Variants in AGAP1 observed in about 807,000 individuals in gnomAD.
AGAP1 encodes the protein arf-GAP with GTPase, ANK repeat and PH domain-containing protein 1.
A neutral mutation model predicts 105.3 loss-of-function variants in AGAP1; 29 were observed. The observed-to-expected ratio is 0.28, with a 90% CI of 0.21 to 0.38. The LOEUF is 0.38. Among genes scored for constraint, AGAP1 ranks in the 10% least tolerant of loss-of-function variants. The pLI is 1.00. For missense variants in AGAP1, 998 were observed against 1,165.1 expected, an observed-to-expected ratio of 0.86 and a Z score of 2.09; for synonymous variants, 509 against 485.9, an observed-to-expected ratio of 1.05 and a Z score of -0.63.
rs556785424 is a variant in AGAP1 at position 235,541,376 on chromosome 2, C to CTTTTTTT, written c.163+46550_163+46556dup. On this transcript the variant is annotated intron_variant, in intron 1 of 17. Transcript: ENST00000304032. ...ATTATTTCCTTTTTCCATTCTTATT[C>CTTTTTTT]TTTTTTTTTTTTTTTTTTTTTTTTT... Among the ~76,000 whole-genome samples the CTTTTTTT allele has an allele frequency of 3.0e-3, 273 of 91,120 alleles. 3 individuals are homozygous for CTTTTTTT. Among genetic ancestry groups the CTTTTTTT allele is most frequent in the Non-Finnish European group, 4.4e-3 (203 of 46,564 alleles). The allele number at this position is 91,120 out of a possible 152,430, so 59.8% of individuals were successfully genotyped here. A position where few individuals can be genotyped will look rare whatever the true frequency, so the allele number is the denominator to read the frequency against.
At position 235,494,639 on chromosome 2, in the gene AGAP1, GGGCGGCGGCGGCGGGGGGCGCGC is replaced by G. The variant is rs1941225725; in HGVS notation, c.-44_-22del. 1 of 976,142 alleles carries G rather than the reference GGGCGGCGGCGGCGGGGGGCGCGC, an allele frequency of 1.0e-6. No homozygotes were observed. The highest frequency in any genetic ancestry group is 1.8e-5 in the African/African-American group (1 of 55,658). The allele number at this position is 976,142 out of a possible 1,614,324, so 60.5% of individuals were successfully genotyped here. On this transcript the variant is annotated 5_prime_UTR_variant, in exon 1 of 18. Coordinates refer to ENST00000304032, the MANE Select transcript of AGAP1 (RefSeq NM_001037131.3). ...GGCGGCCCGCGGGCCCCGGGGCGCG[GGGCGGCGGCGGCGGGGGGCGCGC>G]GGCTCCGGGCGCGGCGCCTGCACCA...
At chr2:235,821,240 C>A (rs1300039913) in intron 9 of AGAP1, among the ~76,000 whole-genome samples, 1 of 152,070 alleles carries the variant, frequency 6.6e-6, no homozygotes, top group Non-Finnish European at 1.5e-5. Context: ...AATTTGAATA[C>A]CCTTTAGAGA....
At position 235,614,950 on chromosome 2, in the gene AGAP1, T is replaced by C. The variant is rs909730965; in HGVS notation, c.164-94229T>C. Among the ~76,000 whole-genome samples, 1 of 152,194 alleles carries C rather than the reference T, an allele frequency of 6.6e-6. No homozygotes were observed. The highest frequency in any genetic ancestry group is 6.5e-5 in the Admixed American group (1 of 15,274). ...TTCACTGGGGCCGACTTGAAAATAGTCAAAGTCCAAGTAAACTTCTGCCTG... is the reference window on the plus strand; with the variant it reads ...TTCACTGGGGCCGACTTGAAAATAGCCAAAGTCCAAGTAAACTTCTGCCTG... On this transcript the variant is annotated intron_variant, in intron 1 of 17. Coordinates refer to ENST00000304032, the MANE Select transcript of AGAP1 (RefSeq NM_001037131.3). This position sits in a 1 kb window ranked among gnomAD's most constrained non-coding sequence, Gnocchi z 4.7.
intron 1 of AGAP1, among the ~76,000 whole-genome samples, chr2:235,515,470 G>A (rs1285048645): frequency 6.6e-6 from 1 of 152,210 alleles, no homozygotes; most frequent in African/African-American, 2.4e-5. Flanking sequence ...TGAAAGACAG[G>A]GGCGTAGATA....
At position 235,754,136 on chromosome 2, in the gene AGAP1, A is replaced by T. The variant is rs1475638924; in HGVS notation, c.673+3648A>T. Among the ~76,000 whole-genome samples the T allele has an allele frequency of 6.6e-6, 1 of 152,182 alleles. No individual in the cohort carries two copies. The highest frequency in any genetic ancestry group is 1.5e-5 in the Non-Finnish European group (1 of 68,034). On this transcript the variant is annotated intron_variant, in intron 6 of 17. Transcript: ENST00000304032. This position sits in a 1 kb window ranked among gnomAD's most constrained non-coding sequence, Gnocchi z 4.6. ...CTTGGGACCTGAGAGCCTCGACTTA[A>T]CCACAGCACCGGGACATTTTGTCAT...
chr2:235,625,977 A>G lies in AGAP1; in HGVS notation c.164-83202A>G, dbSNP rs1051476560. On this transcript the variant is annotated intron_variant, in intron 1 of 17. Coordinates refer to ENST00000304032, the MANE Select transcript of AGAP1 (RefSeq NM_001037131.3). The surrounding 1 kb of genome is among the most constrained non-coding windows in gnomAD (Gnocchi z 4.0). ...GCAGAGCTATTTGTAAAAATAATGC[A>G]CAGGCATTTGCTGCTGTATCCTATG... Among the ~76,000 whole-genome samples the G allele has an allele frequency of 2.0e-5, 3 of 152,200 alleles. No homozygotes were observed. The highest frequency in any genetic ancestry group is 4.4e-5 in the Non-Finnish European group (3 of 68,038).
intron 1 of AGAP1, among the ~76,000 whole-genome samples, chr2:235,649,269 A>G (rs1458784283): frequency 2.0e-5 from 3 of 152,188 alleles, no homozygotes; most frequent in Non-Finnish European, 4.4e-5. Context: ...ATGTTTATGC[A>G]CAGGAAGCAT....
rs1423608755 is a variant in AGAP1, at chr2:235,769,349, T to C, written c.673+18861T>C. Among the ~76,000 whole-genome samples, 1 of 152,256 alleles carries C rather than the reference T, an allele frequency of 6.6e-6. No individual in the cohort carries two copies. The highest frequency in any genetic ancestry group is 2.4e-5 in the African/African-American group (1 of 41,466). On this transcript the variant is annotated intron_variant, in intron 6 of 17. Coordinates refer to ENST00000304032, the MANE Select transcript of AGAP1 (RefSeq NM_001037131.3). The surrounding 1 kb of genome is among the most constrained non-coding windows in gnomAD (Gnocchi z 4.4). ...GCCCAACTCTTTCTGCTTTGAGTTT[T>C]CTTTTTCCTCCAGTGGCAAGGTTTG... is the stretch of plus-strand genomic sequence containing the variant.
intron 9 of AGAP1, among the ~76,000 whole-genome samples, chr2:235,841,316 A>T (rs186671875): frequency 1.3e-5 from 2 of 152,186 alleles, no homozygotes; most frequent in African/African-American, 4.8e-5. Flanking sequence ...ACCCTAGAGT[A>T]GACGTACATT....
At chr2:235,949,382 T>A (rs984256320) in intron 12 of AGAP1, among the ~76,000 whole-genome samples, 68 of 152,184 alleles carry the variant, frequency 4.5e-4, no homozygotes, top group Admixed American at 4.4e-3. Context: ...TAAGAAGTGC[T>A]GCCATACCAC....
At chr2:235,987,440 C>CA (rs545267443) in intron 13 of AGAP1, among the ~76,000 whole-genome samples, 16 of 146,022 alleles carry the variant, frequency 1.1e-4, no homozygotes, top group Admixed American at 8.1e-4. Context: ...TAATTTTTTT[C>CA]AAAAAAACAG....
Position 235,557,977 on chromosome 2 carries a change from T to C in AGAP1, c.163+63128T>C, listed in dbSNP as rs1012700311. On this transcript the variant is annotated intron_variant, in intron 1 of 17. Coordinates refer to ENST00000304032, the MANE Select transcript of AGAP1 (RefSeq NM_001037131.3). The surrounding 1 kb of genome is among the most constrained non-coding windows in gnomAD (Gnocchi z 4.7). ...CTCCAGAGGCTGCCTGTTTGTAAAA[T>C]AATAGGTTTAGATGAACAAAGTGGT... is the stretch of plus-strand genomic sequence containing the variant. 5.4e-4 allele frequency among the ~76,000 whole-genome samples: 82 copies of C among 152,080 alleles called. No homozygotes were observed. Among genetic ancestry groups the C allele is most frequent in the Admixed American group, 2.9e-3 (44 of 15,262 alleles).
rs150101659 is a variant in AGAP1 at position 235,885,717 on chromosome 2, C to T, written c.1155+2268C>T. On this transcript the variant is annotated intron_variant, in intron 10 of 17. Transcript: ENST00000304032. ...TCTTGAGTTGCCCTTGTCTCCTTGTCTTTTAGCGTAGCTATACCTTTCAGA... is the reference window on the plus strand; with the variant it reads ...TCTTGAGTTGCCCTTGTCTCCTTGTTTTTTAGCGTAGCTATACCTTTCAGA... Among the ~76,000 whole-genome samples the T allele has an allele frequency of 1.1e-3, 167 of 152,320 alleles. 1 individual carries two copies. The highest frequency in any genetic ancestry group is 4.0e-3 in the African/African-American group (165 of 41,572).
rs1576254535 is a variant in AGAP1 at position 236,080,100 on chromosome 2, G to C, written c.2114+30819G>C. 6.6e-6 allele frequency among the ~76,000 whole-genome samples: 1 copy of C among 152,262 alleles called. No individual in the cohort carries two copies. The highest frequency in any genetic ancestry group is 1.5e-5 in the Non-Finnish European group (1 of 68,048). On this transcript the variant is annotated intron_variant, in intron 16 of 17. Coordinates refer to ENST00000304032, the MANE Select transcript of AGAP1 (RefSeq NM_001037131.3). The surrounding 1 kb of genome is among the most constrained non-coding windows in gnomAD (Gnocchi z 4.2). The stretch of plus-strand genomic sequence containing the variant: ...ACACATCAAGGGCTGCATTGCAGGA[G>C]AGGAACCCTAAGCTTAGGAACCAAA...
rs1360033546 is a variant in AGAP1, at chr2:235,843,987, A to C, written c.1050+36656A>C. 6.6e-6 allele frequency among the ~76,000 whole-genome samples: 1 copy of C among 152,194 alleles called. No homozygotes were observed. Among genetic ancestry groups the C allele is most frequent in the Non-Finnish European group, 1.5e-5 (1 of 68,034 alleles). ...AGGACCTTGCCCGCTGCCCCAGCTC[A>C]GAGCTTGAACCTCTCCCTCTTGGAA... is the stretch of plus-strand genomic sequence containing the variant. On this transcript the variant is annotated intron_variant, in intron 9 of 17. Coordinates refer to ENST00000304032, the MANE Select transcript of AGAP1 (RefSeq NM_001037131.3). This position sits in a 1 kb window ranked among gnomAD's most constrained non-coding sequence, Gnocchi z 5.9.
chr2:235,828,770 G>A (rs1037046782), intron 9 of AGAP1, among the ~76,000 whole-genome samples: 2 of 152,186 alleles, frequency 1.3e-5, no homozygotes, highest in Non-Finnish European at 2.9e-5. Context: ...GATGTCATGA[G>A]ATGTCCCTGG....
intron 3 of AGAP1, among the ~76,000 whole-genome samples, chr2:235,730,466 TGTTTAC>T (rs1443699876): frequency 1.5e-5 from 2 of 132,570 alleles, no homozygotes; most frequent in Non-Finnish European, 3.2e-5. Context: ...AATGCTCTTT[TGTTTAC>T]CTTTTAAAAA....
rs574646962 is a variant in AGAP1, at chr2:235,582,343, G to C, written c.163+87494G>C. 6.6e-6 allele frequency among the ~76,000 whole-genome samples: 1 copy of C among 152,288 alleles called. No homozygotes were observed. The highest frequency in any genetic ancestry group is 2.4e-5 in the African/African-American group (1 of 41,572). ...TGCTGGCATTTAGGGTGTCACTAAA[G>C]CCCAAGACCAGGATTGCTTGTCCTT... On this transcript the variant is annotated intron_variant, in intron 1 of 17. Coordinates refer to ENST00000304032, the MANE Select transcript of AGAP1 (RefSeq NM_001037131.3). This position sits in a 1 kb window ranked among gnomAD's most constrained non-coding sequence, Gnocchi z 4.7.
chr2:235,587,298 A>G (rs375655559), intron 1 of AGAP1, among the ~76,000 whole-genome samples: 1 of 152,178 alleles, frequency 6.6e-6, no homozygotes, highest in South Asian at 2.1e-4. Flanking sequence ...GCAAACAGCC[A>G]GAGAGTGACA....
Sources: gnomAD v4.1 joint callset for allele counts (sites outside exome capture counted in the v4.1 genomes callset) on GRCh38, gnomAD v4.1.1 for gene constraint, Gnocchi (gnomAD v3.1) non-coding constraint, MANE v1.5 for transcripts, NCBI Gene and HGNC (gene_info 2026-07-23, HGNC 2026-07-21) for gene names.